CCDC32: variants seen among roughly 807,000 people sequenced by gnomAD.
CCDC32 encodes the protein coiled-coil domain containing 32.
CCDC32 carries 9 observed loss-of-function variants against 20.1 expected under a neutral mutation model. That is an observed-to-expected ratio of 0.45 (90% CI 0.27 to 0.78). The LOEUF (loss-of-function observed/expected upper bound fraction) is 0.78, where lower values mean the gene tolerates loss of function less well. Ranked by LOEUF, CCDC32 falls within the 30% of genes least tolerant of loss-of-function variation. The pLI, the probability that CCDC32 is intolerant of heterozygous loss-of-function variation, is 0.16. For synonymous variants in CCDC32, 63 were observed against 79.0 expected (o/e 0.80, Z 1.07); for missense variants, 204 against 215.5 (o/e 0.95, Z 0.33).
At chr15:40,525,952 T>TG (rs1305687944), downstream of CCDC32, among the ~76,000 whole-genome samples, 8 of 152,098 alleles carry the variant, frequency 5.3e-5, no homozygotes, top group Non-Finnish European at 1.5e-5. Flanking sequence ...CCTTTTTTTT[T>TG]TTTCTCTCCA....
intron 2 of CCDC32, among the ~76,000 whole-genome samples, chr15:40,561,801 G>A (rs1400621683): frequency 6.6e-6 from 1 of 151,780 alleles, no homozygotes; most frequent in Non-Finnish European, 1.5e-5. Context: ...TGTGAAACAT[G>A]GATGAATCTC....
In CCDC32 at chr15:40,562,982, T is replaced by C. The variant is rs767859364; in HGVS notation, c.34A>G (p.Thr12Ala). The change falls in exon 2 of 4, where the codon ACA (threonine) becomes GCA (alanine). Residue 12 changes from threonine to alanine, a missense_variant. Transcript: ENST00000416810. Reference sequence around the variant, plus strand: ...GCCCAGAGATCCTGGCCAGATCTTGTGGCTGTAGAGTCAGCGCTCTCAAAC... The same window carrying C: ...GCCCAGAGATCCTGGCCAGATCTTGCGGCTGTAGAGTCAGCGCTCTCAAAC... Reference protein sequence around the residue: ...KMFESADSTATRSGQDLWAEI... With the variant: ...KMFESADSTAARSGQDLWAEI... The C allele has an allele frequency of 9.9e-6, 16 of 1,614,122 alleles. No individual in the cohort carries two copies. Among genetic ancestry groups the C allele is most frequent in the Non-Finnish European group, 1.4e-5 (16 of 1,180,046 alleles).
downstream of CCDC32, chr15:40,539,201 G>C (rs928886849): frequency 2.0e-6 from 3 of 1,509,406 alleles, no homozygotes; most frequent in South Asian, 3.6e-5. Flanking sequence ...ATCCCACATG[G>C]TTCTGCACAT....
At chr15:40,545,417 G>A (rs891246984) in intron 3 of CCDC32, among the ~76,000 whole-genome samples, 3 of 152,028 alleles carry the variant, frequency 2.0e-5, no homozygotes, top group Non-Finnish European at 4.4e-5. Flanking sequence ...ATTTTTAAAA[G>A]TGGATTACGT....
chr15:40,545,524 G>T (rs1027657777), intron 3 of CCDC32, among the ~76,000 whole-genome samples: 1 of 152,278 alleles, frequency 6.6e-6, no homozygotes, highest in South Asian at 2.1e-4. Context: ...TGGAGAGAAT[G>T]GGGGGAGATG....
chr15:40,540,610 C>G (rs1889352361), intron 3 of CCDC32, among the ~76,000 whole-genome samples: 1 of 152,088 alleles, frequency 6.6e-6, no homozygotes, highest in African/African-American at 2.4e-5. Context: ...CTCAGGTGAT[C>G]TGCCTGCCTT....
At chr15:40,539,051 T>C, downstream of CCDC32, 1 of 597,232 alleles carries the variant, frequency 1.7e-6, no homozygotes, top group Non-Finnish European at 3.0e-6. Context: ...CTCTTGGCTC[T>C]CTCGCCAGCT....
intron 3 of CCDC32, chr15:40,529,659 G>GTTTTTT (rs1200971655): frequency 1.8e-5 from 2 of 114,104 alleles, no homozygotes; most frequent in Non-Finnish European, 3.5e-5. Context: ...GGTTTGGATG[G>GTTTTTT]TTTTTTTTTT....
intron 3 of CCDC32, among the ~76,000 whole-genome samples, chr15:40,547,634 G>T (rs1889674742): frequency 6.6e-6 from 1 of 152,182 alleles, no homozygotes; most frequent in Non-Finnish European, 1.5e-5. Context: ...AGGGCAAGAA[G>T]GTTTTGACAC....
intron 3 of CCDC32, among the ~76,000 whole-genome samples, chr15:40,540,376 T>TTTG (rs1387591265): frequency 6.6e-6 from 1 of 151,264 alleles, no homozygotes; most frequent in Non-Finnish European, 1.5e-5. Context: ...TTTTCTTTTT[T>TTTG]TTTTTTTTTG....
downstream of CCDC32, among the ~76,000 whole-genome samples, chr15:40,526,228 T>G (rs951312120): frequency 1.2e-4 from 18 of 152,156 alleles, no homozygotes; most frequent in African/African-American, 3.9e-4. Context: ...TATGTGGGCT[T>G]GTTTGTAAGT....
chr15:40,530,800 C>T (rs73384313), downstream of CCDC32, among the ~76,000 whole-genome samples: 5,867 of 150,852 alleles, frequency 0.039, 414 homozygotes, highest in African/African-American at 0.14. Context: ...AACTGACTCC[C>T]GGGCTCAAGT....
At chr15:40,564,937 G>A (rs1343993609) in intron 1 of CCDC32, 39 bp downstream of exon 1, 2 of 848,782 alleles carry the variant, frequency 2.4e-6, no homozygotes, top group East Asian at 2.6e-5. Flanking sequence ...CAGAGTGGGA[G>A]ATCCAAAACG....
chr15:40,526,033 G>C (rs867021380), downstream of CCDC32, among the ~76,000 whole-genome samples: 1 of 151,870 alleles, frequency 6.6e-6, no homozygotes, highest in Admixed American at 6.6e-5. Flanking sequence ...TGAGAGTGCA[G>C]ACGAAAGACC....
chr15:40,555,316 G>A (rs1165134424), intron 3 of CCDC32, among the ~76,000 whole-genome samples: 1 of 152,158 alleles, frequency 6.6e-6, no homozygotes, highest in Non-Finnish European at 1.5e-5. Flanking sequence ...ATAGAGAAGG[G>A]AAATCTACAT....
intron 3 of CCDC32, among the ~76,000 whole-genome samples, chr15:40,554,864 T>A (rs1890133402): frequency 6.6e-6 from 1 of 152,196 alleles, no homozygotes; most frequent in Admixed American, 6.5e-5. Context: ...AATGTAAACC[T>A]TATTCTATGC....
chr15:40,562,452 C>T (rs1201430646), intron 2 of CCDC32, among the ~76,000 whole-genome samples: 1 of 151,962 alleles, frequency 6.6e-6, no homozygotes, highest in Non-Finnish European at 1.5e-5. Flanking sequence ...TTGTGCCAGG[C>T]GCCTGTAATC....
intron 3 of CCDC32, among the ~76,000 whole-genome samples, chr15:40,555,089 G>T (rs1890149396): frequency 6.6e-6 from 1 of 152,154 alleles, no homozygotes; most frequent in African/African-American, 2.4e-5. Flanking sequence ...CTGTTTAAAA[G>T]ATAAACTTTG....
downstream of CCDC32, among the ~76,000 whole-genome samples, chr15:40,533,554 C>A (rs1888978187): frequency 6.6e-6 from 1 of 151,882 alleles, no homozygotes; most frequent in Admixed American, 6.6e-5. Flanking sequence ...CCATATTGGC[C>A]AAGCTGGTCT....
Sources: allele counts gnomAD v4.1 joint callset (sites outside exome capture counted in the v4.1 genomes callset), GRCh38; gene constraint gnomAD v4.1.1; transcripts MANE v1.5; gene names NCBI Gene and HGNC (gene_info 2026-07-23, HGNC 2026-07-21).